Variants in GPC5 observed in about 807,000 individuals in gnomAD.
GPC5 encodes glypican 5, also known as glypican-5.
GPC5 carries 47 observed loss-of-function variants against 53.9 expected under a neutral mutation model. That is an observed-to-expected ratio of 0.87 (90% CI 0.69 to 1.11). The LOEUF (loss-of-function observed/expected upper bound fraction) is 1.11, where lower values mean the gene tolerates loss of function less well. Ranked by LOEUF, GPC5 falls within the 50% of genes most tolerant of loss-of-function variation. GPC5 has a pLI of 0.00. For missense variants in GPC5, 748 were observed against 713.1 expected, an observed-to-expected ratio of 1.05 and a Z score of -0.56; for synonymous variants, 286 against 263.3, an observed-to-expected ratio of 1.09 and a Z score of -0.84.
intron 7 of GPC5, among the ~76,000 whole-genome samples, chr13:92,303,242 A>G (rs947490735): frequency 6.6e-6 from 1 of 152,136 alleles, no homozygotes; most frequent in Non-Finnish European, 1.5e-5. Flanking sequence ...TGCTCTCAAG[A>G]GAGGCAAAAA....
At chr13:91,560,031 G>A (rs899512799) in intron 2 of GPC5, among the ~76,000 whole-genome samples, 3 of 150,428 alleles carry the variant, frequency 2.0e-5, no homozygotes, top group African/African-American at 7.4e-5. Context: ...TCATTGATAC[G>A]ACTGTACTTA....
intron 5 of GPC5, among the ~76,000 whole-genome samples, chr13:91,776,075 C>A (rs2037706923): frequency 6.6e-6 from 1 of 152,134 alleles, no homozygotes; most frequent in South Asian, 2.1e-4. Context: ...CTCAGACCAC[C>A]AGAAAGTTTT....
chr13:91,910,547 A>G lies in GPC5; in HGVS notation c.1401+2490A>G, dbSNP rs139272541. 4.8e-3 allele frequency among the ~76,000 whole-genome samples: 733 copies of G among 152,238 alleles called. 5 individuals are homozygous for G. The highest frequency in any genetic ancestry group is 0.017 in the African/African-American group (696 of 41,564). On this transcript the variant is annotated intron_variant, in intron 6 of 7. Coordinates refer to ENST00000377067, the MANE Select transcript of GPC5 (RefSeq NM_004466.6). ...CATCTCTCACCATAGGGACGTACCT[A>G]TATTAAAGAATATGGAAGTAAGTCA...
At chr13:91,943,319 T>G (rs1388262131) in intron 6 of GPC5, among the ~76,000 whole-genome samples, 1 of 152,130 alleles carries the variant, frequency 6.6e-6, no homozygotes, top group Non-Finnish European at 1.5e-5. Context: ...ATTTTGGCAA[T>G]TTTAAGAAAA....
At chr13:91,839,258 T>C (rs1334812933) in intron 5 of GPC5, among the ~76,000 whole-genome samples, 1 of 152,192 alleles carries the variant, frequency 6.6e-6, no homozygotes, top group Non-Finnish European at 1.5e-5. Context: ...GGGATTTCAT[T>C]AAGGATTGCT....
At chr13:92,717,313 C>A (rs1421976822) in intron 7 of GPC5, among the ~76,000 whole-genome samples, 1 of 152,038 alleles carries the variant, frequency 6.6e-6, no homozygotes, top group East Asian at 1.9e-4. Context: ...CAGCTACAGC[C>A]CTTGCCTCAG....
intron 5 of GPC5, among the ~76,000 whole-genome samples, chr13:91,848,348 A>C (rs769522323): frequency 2.0e-5 from 3 of 152,228 alleles, no homozygotes; most frequent in Non-Finnish European, 2.9e-5. Flanking sequence ...GTTCTCGCAT[A>C]CCGAAAACTA....
In GPC5 at chr13:92,144,991, T is replaced by TA; in HGVS notation, c.1561+4dup. ...AGAGGACACTGAAGATCACAGACTG[T>TA]AAGTGTATGATTCTAACACCACTTT... On this transcript the variant is annotated splice_region_variant and intron_variant, in intron 7 of 7. Transcript: ENST00000377067. 4.8e-6 allele frequency: 7 copies of TA among 1,453,052 alleles called. No individual in the cohort carries two copies. Among genetic ancestry groups the TA allele is most frequent in the Non-Finnish European group, 6.4e-6 (7 of 1,101,836 alleles). 90.0% of individuals were successfully genotyped at this position (1,453,052 alleles called of 1,614,324 possible). A position where few individuals can be genotyped will look rare whatever the true frequency, so the allele number is the denominator to read the frequency against.
At chr13:92,735,994 C>T (rs1888925075) in intron 7 of GPC5, among the ~76,000 whole-genome samples, 3 of 151,940 alleles carry the variant, frequency 2.0e-5, no homozygotes, top group Admixed American at 1.3e-4. Context: ...TCTTCCCCAC[C>T]ACAGGGAATT....
chr13:92,057,850 A>G (rs1211046479), intron 6 of GPC5, among the ~76,000 whole-genome samples: 1 of 152,152 alleles, frequency 6.6e-6, no homozygotes, highest in Non-Finnish European at 1.5e-5. Flanking sequence ...TGTACTCTTT[A>G]TATCTAACCT....
intron 7 of GPC5, among the ~76,000 whole-genome samples, chr13:92,639,223 T>C (rs1885510630): frequency 6.6e-6 from 1 of 152,194 alleles, no homozygotes; most frequent in Non-Finnish European, 1.5e-5. Flanking sequence ...CCCACTAAAT[T>C]CAATGATGAA....
intron 7 of GPC5, among the ~76,000 whole-genome samples, chr13:92,424,213 A>T (rs1876718773): frequency 6.6e-6 from 1 of 152,132 alleles, no homozygotes; most frequent in Non-Finnish European, 1.5e-5. Flanking sequence ...CAATATAAGA[A>T]CTACAGAAAC....
At chr13:91,858,264 T>A (rs1251146078) in intron 5 of GPC5, among the ~76,000 whole-genome samples, 1 of 151,946 alleles carries the variant, frequency 6.6e-6, no homozygotes. Flanking sequence ...GAGGAAAGGC[T>A]TTCAGTTTCC....
chr13:92,350,850 A>G (rs534718288), intron 7 of GPC5, among the ~76,000 whole-genome samples: 1 of 152,282 alleles, frequency 6.6e-6, no homozygotes, highest in East Asian at 1.9e-4. Flanking sequence ...ACAATTCAAA[A>G]AGTTTAGAGA....
rs189592518 is a variant in GPC5, at chr13:91,799,035, A to G, written c.1280+42615A>G. ...TTTGAGAAGTGTCACACACACTCAT[A>G]TGTTCCTTACCGTACTATTCACAAT... On this transcript the variant is annotated intron_variant, in intron 5 of 7. Coordinates refer to ENST00000377067, the MANE Select transcript of GPC5 (RefSeq NM_004466.6). Among the ~76,000 whole-genome samples the G allele has an allele frequency of 4.6e-5, 7 of 152,262 alleles. No homozygotes were observed. The East Asian group carries it at 1.2e-3, about 25-fold the overall frequency.
chr13:92,420,782 T>C (rs989807362), intron 7 of GPC5, among the ~76,000 whole-genome samples: 4 of 152,212 alleles, frequency 2.6e-5, no homozygotes, highest in Non-Finnish European at 4.4e-5. Flanking sequence ...ACTTAGCTAA[T>C]GACCTCCAGG....
chr13:92,186,864 C>A (rs1201640503), intron 7 of GPC5, among the ~76,000 whole-genome samples: 1 of 152,180 alleles, frequency 6.6e-6, no homozygotes, highest in Admixed American at 6.5e-5. Flanking sequence ...GTAATCCCAG[C>A]ACTTTGGGAG....
At position 92,613,536 on chromosome 13, in the gene GPC5, A is replaced by T. The variant is rs59063777; in HGVS notation, c.1562-252746A>T. 2.4e-4 allele frequency among the ~76,000 whole-genome samples: 30 copies of T among 125,646 alleles called. No individual in the cohort carries two copies. In the Admixed American group the frequency reaches 2.4e-3, roughly 10 times the overall value. 82.4% of individuals were successfully genotyped at this position (125,646 alleles called of 152,430 possible). A position where few individuals can be genotyped will look rare whatever the true frequency, so the allele number is the denominator to read the frequency against. ...AAATATAATATATAATTTATATATA[A>T]AATATAATATATAATTTATATACAA... On this transcript the variant is annotated intron_variant, in intron 7 of 7. Transcript: ENST00000377067.
At chr13:92,031,247 A>G (rs1166511391) in intron 6 of GPC5, among the ~76,000 whole-genome samples, 2 of 152,074 alleles carry the variant, frequency 1.3e-5, no homozygotes, top group Non-Finnish European at 2.9e-5. Context: ...TCCTTGAGGT[A>G]TCTTATGCTT....
Sources: gnomAD v4.1 joint callset for allele counts (sites outside exome capture counted in the v4.1 genomes callset) on GRCh38, gnomAD v4.1.1 for gene constraint, MANE v1.5 for transcripts, NCBI Gene and HGNC (gene_info 2026-07-23, HGNC 2026-07-21) for gene names.